The following FAM124A variants were observed in gnomAD, a reference collection of about 807,000 sequenced individuals.
The protein encoded by FAM124A is family with sequence similarity 124 member A.
In FAM124A, 23 loss-of-function variants were observed where a neutral mutation model predicts 24.5. The observed-to-expected ratio is 0.94, with a 90% CI of 0.68 to 1.33. The LOEUF (loss-of-function observed/expected upper bound fraction) is 1.33. FAM124A is among the 40% of genes most tolerant of loss of function. The pLI is 0.00. For missense variants in FAM124A, 623 were observed against 722.8 expected (o/e 0.86, Z 1.58); for synonymous variants, 287 against 314.7 (o/e 0.91, Z 0.93).
chr13:51,277,234 T>C (rs1446413565), intron 3 of FAM124A, among the ~76,000 whole-genome samples: 4 of 147,038 alleles, frequency 2.7e-5, no homozygotes, highest in African/African-American at 1.0e-4. Context: ...AAACAGAAAG[T>C]CAAATACCAC....
intron 3 of FAM124A, among the ~76,000 whole-genome samples, chr13:51,278,404 C>T (rs529287714): frequency 4.1e-4 from 62 of 152,286 alleles, no homozygotes; most frequent in African/African-American, 9.4e-4. Context: ...TTCACAGGTG[C>T]GGGTTGTCTT....
In FAM124A at chr13:51,281,815, T is replaced by C. The variant is rs1954943003; in HGVS notation, c.*559T>C. On this transcript the variant is annotated 3_prime_UTR_variant, in exon 4 of 4. Coordinates refer to ENST00000322475, the MANE Select transcript of FAM124A (RefSeq NM_001242312.2). ...AAAGTCAGCTTGAGAAGTAAACGTA[T>C]ATCAGACTACAGGTAATTCCTCATC... The C allele has an allele frequency of 6.6e-6, 1 of 152,262 alleles. No individual in the cohort carries two copies. 9.4% of individuals were successfully genotyped at this position (152,262 alleles called of 1,614,324 possible).
chr13:51,245,475 T>C, intron 2 of FAM124A: 1 of 512,610 alleles, frequency 2.0e-6, no homozygotes, highest in South Asian at 2.9e-5. Flanking sequence ...GCTTCCAGCT[T>C]GCTTATCTAC....
intron 1 of FAM124A, among the ~76,000 whole-genome samples, chr13:51,225,874 T>C (rs1252596530): frequency 6.7e-6 from 1 of 149,728 alleles, no homozygotes; most frequent in African/African-American, 2.5e-5. Context: ...TTCTTAAATA[T>C]AGGTGCTAAT....
intron 2 of FAM124A, among the ~76,000 whole-genome samples, chr13:51,232,293 T>G (rs1056057876): frequency 7.4e-6 from 1 of 135,990 alleles, no homozygotes; most frequent in African/African-American, 2.6e-5. Flanking sequence ...GCCATTCAGA[T>G]TGATTGAATA....
Position 51,283,908 on chromosome 13 carries a change from T to C in FAM124A, c.*2652T>C, listed in dbSNP as rs559223470. The C allele has an allele frequency of 6.7e-6, 1 of 149,572 alleles. No individual in the cohort carries two copies. Among genetic ancestry groups the C allele is most frequent in the East Asian group, 2.1e-4 (1 of 4,756 alleles). The allele number at this position is 149,572 out of a possible 1,614,324, so 9.3% of individuals were successfully genotyped here. ...GAGTACAACTCTGGACCCGCCCTCA[T>C]CACAGTCCAATCTACCAAACTGAGT... is the stretch of plus-strand genomic sequence containing the variant. On this transcript the variant is annotated 3_prime_UTR_variant, in exon 4 of 4. Coordinates refer to ENST00000322475, the MANE Select transcript of FAM124A (RefSeq NM_001242312.2).
chr13:51,237,489 T>G (rs938829587), intron 2 of FAM124A, among the ~76,000 whole-genome samples: 3 of 152,226 alleles, frequency 2.0e-5, no homozygotes, highest in Non-Finnish European at 4.4e-5. Context: ...TTCGCAAAAC[T>G]CTTCTCAAAG....
chr13:51,223,829 C>CTG (rs34560325), intron 1 of FAM124A, among the ~76,000 whole-genome samples: 69,894 of 151,976 alleles, frequency 0.46, 16,796 homozygotes, highest in East Asian at 0.65. Flanking sequence ...TCAACTTTAA[C>CTG]AAGATTATTG....
In FAM124A at chr13:51,251,134, C is replaced by T. The variant is rs1954615124; in HGVS notation, c.101-334C>T. Among the ~76,000 whole-genome samples the T allele has an allele frequency of 1.3e-5, 2 of 152,204 alleles. No homozygotes were observed. The highest frequency in any genetic ancestry group is 4.1e-4 in the South Asian group (2 of 4,836). ...TGGGCCTGTTGTTCCTTCCAAGTCA[C>T]TAGACTTGACTTTCTATTTGTCTGA... On this transcript the variant is annotated intron_variant, in intron 2 of 3. Transcript: ENST00000322475. This position sits in a 1 kb window ranked among gnomAD's most constrained non-coding sequence, Gnocchi z 5.3.
At chr13:51,222,838 C>G (rs9568553) in intron 1 of FAM124A, among the ~76,000 whole-genome samples, 74,533 of 152,036 alleles carry the variant, frequency 0.49, 18,554 homozygotes, top group East Asian at 0.65. Flanking sequence ...GATGCAAAGA[C>G]CCCTTGTCTG....
intron 2 of FAM124A, among the ~76,000 whole-genome samples, chr13:51,248,320 C>T (rs988782821): frequency 1.3e-5 from 2 of 152,206 alleles, no homozygotes; most frequent in Admixed American, 6.5e-5. Context: ...TCCTACACCC[C>T]ACCCACCAGG....
chr13:51,277,476 A>G (rs1954895600), intron 3 of FAM124A, among the ~76,000 whole-genome samples: 2 of 152,200 alleles, frequency 1.3e-5, no homozygotes, highest in African/African-American at 4.8e-5. Flanking sequence ...TGTACTCCCT[A>G]AATCTATAAA....
rs747422390 is a variant in FAM124A, at chr13:51,252,148, A to C, written c.781A>C (p.Ser261Arg). The C allele has an allele frequency of 6.2e-7, 1 of 1,613,870 alleles. No individual in the cohort carries two copies. The highest frequency in any genetic ancestry group is 1.1e-5 in the South Asian group (1 of 91,078). ...PLLPNPCSPISEGRWQTEDHD... is the reference protein window; with the variant it reads ...PLLPNPCSPIREGRWQTEDHD... ...CCTGCCCAACCCTTGCAGCCCCATCAGCGAGGGGCGCTGGCAGACGGAGGA... is the reference window on the plus strand; with the variant it reads ...CCTGCCCAACCCTTGCAGCCCCATCCGCGAGGGGCGCTGGCAGACGGAGGA... The change falls in exon 3 of 4, where the codon AGC becomes CGC. Residue 261 changes from serine (S) to arginine (R), a missense_variant. Physicochemically the swap from Ser to Arg is moderately radical, Grantham distance 110. Coordinates refer to ENST00000322475, the MANE Select transcript of FAM124A (RefSeq NM_001242312.2).
chr13:51,258,020 G>T lies in FAM124A; in HGVS notation c.834+5819G>T, dbSNP rs1954692935. 6.6e-6 allele frequency among the ~76,000 whole-genome samples: 1 copy of T among 152,208 alleles called. No homozygotes were observed. Among genetic ancestry groups the T allele is most frequent in the Non-Finnish European group, 1.5e-5 (1 of 68,034 alleles). The stretch of plus-strand genomic sequence containing the variant: ...AGCAGGGTTGGTTCCTCCAAAGGTT[G>T]TGAGGAAGAATCTGTTCCATTCCTC... On this transcript the variant is annotated intron_variant, in intron 3 of 3. Transcript: ENST00000322475. The surrounding 1 kb of genome is among the most constrained non-coding windows in gnomAD (Gnocchi z 4.2).
Position 51,231,192 on chromosome 13 carries a change from C to G in FAM124A, c.69-156C>G, listed in dbSNP as rs78303373. Among the ~76,000 whole-genome samples the G allele has an allele frequency of 4.6e-3, 699 of 152,338 alleles. 7 individuals are homozygous for G. Among genetic ancestry groups the G allele is most frequent in the African/African-American group, 0.015 (639 of 41,572 alleles). On this transcript the variant is annotated intron_variant, in intron 1 of 3. Coordinates refer to ENST00000322475, the MANE Select transcript of FAM124A (RefSeq NM_001242312.2). ...AGTTTTCTTTCAAATTCAGACATAA[C>G]TTTATTTTGCATAAAATGAGCCTTA...
intron 2 of FAM124A, among the ~76,000 whole-genome samples, chr13:51,243,012 T>C (rs1010138800): frequency 6.6e-6 from 1 of 152,248 alleles, no homozygotes; most frequent in Non-Finnish European, 1.5e-5. Flanking sequence ...GTTCAGTTCT[T>C]CAATTACAGG....
At position 51,281,062 on chromosome 13, in the gene FAM124A, T is replaced by C. The variant is rs887008248; in HGVS notation, c.1447T>C (p.Phe483Leu). 6.2e-7 allele frequency: 1 copy of C among 1,613,954 alleles called. No individual in the cohort carries two copies. The highest frequency in any genetic ancestry group is 8.5e-7 in the Non-Finnish European group (1 of 1,180,010). Residue 483 changes from phenylalanine to leucine, a missense_variant, in exon 4 of 4, where the codon TTC (phenylalanine) becomes CTC (leucine). Transcript: ENST00000322475. Reference protein sequence around the residue: ...TEASWASLPFFTKRSSSSSAT... With the variant: ...TEASWASLPFLTKRSSSSSAT... ...GGCCTCCTGGGCTTCCCTCCCTTTC[T>C]TCACCAAAAGGTCTTCCAGCTCCTC...
intron 3 of FAM124A, among the ~76,000 whole-genome samples, chr13:51,257,338 G>A (rs903620073): frequency 6.6e-6 from 1 of 152,224 alleles, no homozygotes; most frequent in African/African-American, 2.4e-5. Flanking sequence ...TTTTAGGGAA[G>A]CAGAGAAAGG....
intron 2 of FAM124A, among the ~76,000 whole-genome samples, chr13:51,233,871 G>A (rs1417503210): frequency 6.6e-6 from 1 of 152,214 alleles, no homozygotes; most frequent in East Asian, 1.9e-4. Context: ...TGAGTGGAGA[G>A]AAGGGTAGTG....
Sources: gnomAD v4.1 joint callset for allele counts (sites outside exome capture counted in the v4.1 genomes callset) on GRCh38, gnomAD v4.1.1 for gene constraint, Gnocchi (gnomAD v3.1) non-coding constraint, MANE v1.5 for transcripts, NCBI Gene and HGNC (gene_info 2026-07-23, HGNC 2026-07-21) for gene names.